Variants in PVALEF observed in about 807,000 individuals in gnomAD.
PVALEF encodes the protein parvalbumin like EF-hand containing.
A neutral mutation model predicts 1.2 loss-of-function variants in PVALEF; 2 were observed. That is an observed-to-expected ratio of 1.68 (90% CI 0.69 to 5.28). PVALEF has a LOEUF of 5.28. Ranked by LOEUF, PVALEF falls within the 30% of genes most tolerant of loss-of-function variation. PVALEF has a pLI of 0.06. For synonymous variants in PVALEF, 16 were observed against 6.5 expected (o/e 2.47, Z -2.24); for missense variants, 35 against 17.7 (o/e 1.97, Z -1.75).
chr17:81,166,071 T>G, intron 1 of PVALEF: 1 of 1,040,092 alleles, frequency 9.6e-7, no homozygotes, highest in Non-Finnish European at 1.2e-6. Context: ...AGCCGCCGCA[T>G]CACCCAGCGG....
intron 2 of PVALEF, among the ~76,000 whole-genome samples, chr17:81,176,215 T>C (rs1430651374): frequency 6.6e-6 from 1 of 151,998 alleles, no homozygotes; most frequent in Admixed American, 6.6e-5. Flanking sequence ...ATGAGGGAAA[T>C]GGAAATCAAA....
intron 2 of PVALEF, among the ~76,000 whole-genome samples, chr17:81,171,550 G>A (rs894199423): frequency 7.2e-5 from 11 of 152,148 alleles, no homozygotes; most frequent in African/African-American, 2.2e-4. Context: ...GGAGTGCAGT[G>A]ACGCCATCTC....
At position 81,181,295 on chromosome 17, in the gene PVALEF, G is replaced by A; in HGVS notation, c.69G>A (p.Lys23=). 1.4e-6 allele frequency: 1 copy of A among 698,922 alleles called. No individual in the cohort carries two copies. Among genetic ancestry groups the A allele is most frequent in the Non-Finnish European group, 2.6e-6 (1 of 382,996 alleles). The allele number at this position is 698,922 out of a possible 1,614,324, so 43.3% of individuals were successfully genotyped here. A position where few individuals can be genotyped will look rare whatever the true frequency, so the allele number is the denominator to read the frequency against. Residue 23 remains lysine (K), a synonymous_variant, in exon 4 of 7, where the codon AAG becomes AAA. Transcript: ENST00000637878. The part of the protein sequence containing the change: ...ALAMGTSLSD[K]DIELLPTDMR... ...CCATGGGCACGTCCCTATCAGACAA[G>A]GACATTGAGCTGCTGCCCACAGACA...
chr17:81,167,435 G>A (rs1306308054), intron 2 of PVALEF, among the ~76,000 whole-genome samples: 1 of 152,258 alleles, frequency 6.6e-6, no homozygotes, highest in Non-Finnish European at 1.5e-5. Flanking sequence ...GGCCCAGTTG[G>A]GGTTGGGGGC....
rs1394499394 is a variant in PVALEF at position 81,167,365 on chromosome 17, T to TTCAC, written c.-340+529_-340+532dup. Among the ~76,000 whole-genome samples, 61 of 152,368 alleles carry TTCAC rather than the reference T, an allele frequency of 4.0e-4. No individual in the cohort carries two copies. The South Asian group carries it at 6.8e-3, about 17-fold the overall frequency. On this transcript the variant is annotated intron_variant, in intron 2 of 6. Coordinates refer to ENST00000637878, the MANE Select transcript of PVALEF (RefSeq NM_001354639.2). ...ACTCATTCATTCACTCACTCATTCA[T>TTCAC]TCACTCACTCATTCATTCACTCACT...
At position 81,165,671 on chromosome 17, in the gene PVALEF, G is replaced by C. The variant is rs1010607430; in HGVS notation, c.-584G>C. ...CCAGGGGCCCACGCAGGCCCTCCGTGCCCCAGTTACCTGTGCCCTGGAGGC... is the reference window on the plus strand; with the variant it reads ...CCAGGGGCCCACGCAGGCCCTCCGTCCCCCAGTTACCTGTGCCCTGGAGGC... On this transcript the variant is annotated 5_prime_UTR_variant, in exon 1 of 7. Coordinates refer to ENST00000637878, the MANE Select transcript of PVALEF (RefSeq NM_001354639.2). The C allele has an allele frequency of 1.8e-5, 27 of 1,508,340 alleles. No homozygotes were observed. Among genetic ancestry groups the C allele is most frequent in the Admixed American group, 1.6e-4 (8 of 50,000 alleles). 93.4% of individuals were successfully genotyped at this position (1,508,340 alleles called of 1,614,324 possible). A position where few individuals can be genotyped will look rare whatever the true frequency, so the allele number is the denominator to read the frequency against.
chr17:81,166,518 CG>C (rs2061494232), intron 1 of PVALEF, among the ~76,000 whole-genome samples, 158 bp from the exon 2 acceptor site: 1 of 35,930 alleles, frequency 2.8e-5, no homozygotes, highest in Non-Finnish European at 6.4e-5. Flanking sequence ...GGGGGGGAAA[CG>C]GAAGTCGTGA....
At chr17:81,172,572 G>C (rs1202307213) in intron 2 of PVALEF, among the ~76,000 whole-genome samples, 1 of 152,140 alleles carries the variant, frequency 6.6e-6, no homozygotes, top group East Asian at 1.9e-4. Flanking sequence ...GGGGTCAGGA[G>C]TTCAAGACCA....
chr17:81,174,215 A>G (rs2061529508), intron 2 of PVALEF, among the ~76,000 whole-genome samples: 1 of 152,228 alleles, frequency 6.6e-6, no homozygotes, highest in Non-Finnish European at 1.5e-5. Context: ...AAGGCTGAAA[A>G]CTTTTCCTCT....
At chr17:81,172,861 C>T (rs1022070130) in intron 2 of PVALEF, among the ~76,000 whole-genome samples, 1 of 152,020 alleles carries the variant, frequency 6.6e-6, no homozygotes, top group African/African-American at 2.4e-5. Flanking sequence ...GTTGTGGAGA[C>T]GTGGTAAGAT....
intron 2 of PVALEF, among the ~76,000 whole-genome samples, chr17:81,168,182 A>G (rs1294509181): frequency 1.3e-5 from 2 of 152,058 alleles, no homozygotes; most frequent in African/African-American, 4.8e-5. Context: ...TGTTGGGGAG[A>G]GTTTCTGTCC....
intron 2 of PVALEF, among the ~76,000 whole-genome samples, chr17:81,176,088 C>G (rs1466356083): frequency 6.6e-6 from 1 of 152,058 alleles, no homozygotes; most frequent in Admixed American, 6.5e-5. Context: ...AACTTAATCA[C>G]AAATAAACAA....
intron 3 of PVALEF, among the ~76,000 whole-genome samples, chr17:81,180,453 CCCGCTCACCA>C (rs1478330935): frequency 6.6e-6 from 1 of 152,176 alleles, no homozygotes; most frequent in Non-Finnish European, 1.5e-5. Flanking sequence ...GCCCCACATG[CCCGCTCACCA>C]CCACCCTGCT....
chr17:81,175,448 A>G (rs1310424468), intron 2 of PVALEF, among the ~76,000 whole-genome samples: 5 of 152,212 alleles, frequency 3.3e-5, no homozygotes, highest in African/African-American at 1.2e-4. Flanking sequence ...TAAAATTCAT[A>G]TAGAATCTCA....
intron 6 of PVALEF, among the ~76,000 whole-genome samples, chr17:81,182,550 G>T (rs898905059): frequency 6.6e-6 from 1 of 152,174 alleles, no homozygotes; most frequent in African/African-American, 2.4e-5. Flanking sequence ...GTGGCGGGGG[G>T]GTCACAAGGC....
intron 2 of PVALEF, among the ~76,000 whole-genome samples, chr17:81,174,964 A>AAAAC (rs1203821714): frequency 9.9e-5 from 15 of 151,548 alleles, no homozygotes; most frequent in African/African-American, 3.4e-4. Flanking sequence ...AAAAAAAAAA[A>AAAAC]TTACCTCTGT....
At chr17:81,170,741 C>G (rs1428657566) in intron 2 of PVALEF, among the ~76,000 whole-genome samples, 1 of 152,194 alleles carries the variant, frequency 6.6e-6, no homozygotes, top group East Asian at 1.9e-4. Flanking sequence ...CCACAGTAGG[C>G]ACTGCAGAGC....
chr17:81,170,783 C>G (rs998083767), intron 2 of PVALEF, among the ~76,000 whole-genome samples: 2 of 152,188 alleles, frequency 1.3e-5, no homozygotes, highest in Admixed American at 1.3e-4. Flanking sequence ...CTGGGCCTCA[C>G]CCTGCAGTGG....
At position 81,165,615 on chromosome 17, in the gene PVALEF, G is replaced by T. The variant is rs960403775; in HGVS notation, c.-640G>T. 5.6e-6 allele frequency: 8 copies of T among 1,430,496 alleles called. No homozygotes were observed. In the Admixed American group the frequency reaches 8.4e-5, roughly 15 times the overall value. 88.6% of individuals were successfully genotyped at this position (1,430,496 alleles called of 1,614,324 possible). ...GCTGACACCCCCCACACCCCCAAGG[G>T]CCCTTAGTCTGAGACCAACTCTCCT... On this transcript the variant is annotated 5_prime_UTR_variant, in exon 1 of 7. Transcript: ENST00000637878.
Sources: allele counts gnomAD v4.1 joint callset (sites outside exome capture counted in the v4.1 genomes callset), GRCh38; gene constraint gnomAD v4.1.1; transcripts MANE v1.5; gene names NCBI Gene and HGNC (gene_info 2026-07-23, HGNC 2026-07-21).